The following STK3 variants were observed in gnomAD, a reference collection of about 807,000 sequenced individuals.
The protein encoded by STK3 is serine/threonine-protein kinase 3.
In STK3, 41 loss-of-function variants were observed where a neutral mutation model predicts 58.0. The observed-to-expected ratio is 0.71, with a 90% CI of 0.55 to 0.92. The LOEUF (loss-of-function observed/expected upper bound fraction) is 0.92. Among genes scored for constraint, STK3 ranks in the 40% least tolerant of loss-of-function variants. STK3 has a pLI of 0.00. For synonymous variants in STK3, 170 were observed against 191.0 expected, an observed-to-expected ratio of 0.89 and a Z score of 0.91; for missense variants, 479 against 602.7, an observed-to-expected ratio of 0.79 and a Z score of 2.15.
At chr8:98,875,063 A>G (rs559708266) in intron 3 of STK3, among the ~76,000 whole-genome samples, 8 of 152,356 alleles carry the variant, frequency 5.3e-5, no homozygotes, top group African/African-American at 1.9e-4. Context: ...TTCTGAATAA[A>G]TAATTAGAAG....
intron 1 of STK3, among the ~76,000 whole-genome samples, chr8:98,441,591 C>A (rs1211418634): frequency 6.6e-6 from 1 of 152,186 alleles, no homozygotes; most frequent in Non-Finnish European, 1.5e-5. Flanking sequence ...AACATAAAGT[C>A]TGTTTTCAAG....
At chr8:98,519,352 T>C (rs976441496) in intron 10 of STK3, among the ~76,000 whole-genome samples, 5 of 152,160 alleles carry the variant, frequency 3.3e-5, no homozygotes, top group African/African-American at 9.7e-5. Context: ...TTAAGCTGTC[T>C]ACAGGGTCTG....
chr8:98,863,955 G>C (rs1368111141), intron 3 of STK3, among the ~76,000 whole-genome samples: 1 of 152,048 alleles, frequency 6.6e-6, no homozygotes, highest in East Asian at 1.9e-4. Context: ...CCAGCACTTT[G>C]GGAGGCCGAG....
intron 8 of STK3, among the ~76,000 whole-genome samples, chr8:98,576,964 G>A (rs1319071975): frequency 6.6e-6 from 1 of 152,172 alleles, no homozygotes; most frequent in Admixed American, 6.5e-5. Context: ...AATATGGGTT[G>A]CTGGCCCCAT....
At chr8:98,512,945 A>G (rs1824632216) in intron 10 of STK3, among the ~76,000 whole-genome samples, 1 of 152,170 alleles carries the variant, frequency 6.6e-6, no homozygotes, top group African/African-American at 2.4e-5. Context: ...TTAAGTTGGC[A>G]GTGCCTACCG....
chr8:98,637,989 T>A (rs1819742041), intron 6 of STK3, among the ~76,000 whole-genome samples: 2 of 152,188 alleles, frequency 1.3e-5, no homozygotes, highest in African/African-American at 4.8e-5. Flanking sequence ...AAGAAATCTG[T>A]TTTACTATTC....
chr8:98,703,258 C>T (rs1353316922), intron 6 of STK3, among the ~76,000 whole-genome samples: 1 of 152,046 alleles, frequency 6.6e-6, no homozygotes, highest in Non-Finnish European at 1.5e-5. Flanking sequence ...GGTGTCTAGG[C>T]AAAAACACAG....
intron 1 of STK3, among the ~76,000 whole-genome samples, chr8:98,443,163 C>T (rs1818761092): frequency 6.6e-6 from 1 of 152,154 alleles, no homozygotes. Flanking sequence ...TCATGTCTCT[C>T]CCTTTAGAAA....
chr8:98,730,727 A>T (rs1184391537), intron 4 of STK3, among the ~76,000 whole-genome samples: 2 of 151,496 alleles, frequency 1.3e-5, no homozygotes, highest in African/African-American at 4.9e-5. Context: ...AAAAAAAAAA[A>T]AAAAAAAAAA....
intron 6 of STK3, among the ~76,000 whole-genome samples, chr8:98,633,127 C>A (rs1190180273): frequency 6.6e-6 from 1 of 151,732 alleles, no homozygotes; most frequent in Non-Finnish European, 1.5e-5. Context: ...ACACAAGATG[C>A]AAAGGAAGCC....
At chr8:98,822,360 G>C (rs1328086613) in intron 1 of STK3, among the ~76,000 whole-genome samples, 1 of 151,524 alleles carries the variant, frequency 6.6e-6, no homozygotes, top group Non-Finnish European at 1.5e-5. Context: ...ATCCAGGATA[G>C]AGTGCAGTGG....
intron 6 of STK3, among the ~76,000 whole-genome samples, chr8:98,650,408 G>C (rs1046409983): frequency 2.6e-5 from 4 of 152,262 alleles, no homozygotes; most frequent in Non-Finnish European, 5.9e-5. Context: ...CTCAGCGTGA[G>C]CGACACAGAA....
chr8:98,703,596 C>T (rs1825765257), intron 6 of STK3, among the ~76,000 whole-genome samples: 1 of 152,074 alleles, frequency 6.6e-6, no homozygotes, highest in African/African-American at 2.4e-5. Context: ...TCTTTGATCA[C>T]CCCATTTCCT....
At chr8:98,682,673 C>A (rs1480697078) in intron 6 of STK3, among the ~76,000 whole-genome samples, 1 of 152,050 alleles carries the variant, frequency 6.6e-6, no homozygotes, top group East Asian at 1.9e-4. Flanking sequence ...GAATTCTATT[C>A]TACAGCAATT....
intron 3 of STK3, among the ~76,000 whole-genome samples, chr8:98,411,098 C>A (rs1390958716): frequency 6.6e-6 from 1 of 152,190 alleles, no homozygotes; most frequent in East Asian, 1.9e-4. Flanking sequence ...CTAAGTGTAA[C>A]CCACATAAAT....
At chr8:98,506,276 G>A (rs1236210467) in intron 10 of STK3, among the ~76,000 whole-genome samples, 1 of 152,194 alleles carries the variant, frequency 6.6e-6, no homozygotes, top group Admixed American at 6.5e-5. Flanking sequence ...TTAGGTGGAG[G>A]CATCCCGTTT....
intron 10 of STK3, among the ~76,000 whole-genome samples, chr8:98,512,502 G>A (rs1824596961): frequency 6.6e-6 from 1 of 152,124 alleles, no homozygotes; most frequent in Non-Finnish European, 1.5e-5. Flanking sequence ...TAAACAATAT[G>A]TGCCACATGT....
chr8:98,751,950 T>A (rs1182837606), intron 3 of STK3, among the ~76,000 whole-genome samples: 1 of 151,390 alleles, frequency 6.6e-6, no homozygotes, highest in South Asian at 2.1e-4. Context: ...AAAAAAATAA[T>A]AATAAAAAAT....
At chr8:98,372,307 G>A (rs1409484178) in intron 2 of STK3, among the ~76,000 whole-genome samples, 1 of 152,098 alleles carries the variant, frequency 6.6e-6, no homozygotes. Flanking sequence ...AGGAACCCTG[G>A]GAAACTAATG....
Sources: gnomAD v4.1 joint callset for allele counts (sites outside exome capture counted in the v4.1 genomes callset) on GRCh38, gnomAD v4.1.1 for gene constraint, MANE v1.5 for transcripts, NCBI Gene and HGNC (gene_info 2026-07-23, HGNC 2026-07-21) for gene names.